Variants in PCNT observed in about 807,000 individuals in gnomAD.
PCNT encodes kendrin.
In PCNT, 319 loss-of-function variants were observed where a neutral mutation model predicts 380.4. That is an observed-to-expected ratio of 0.84 (90% CI 0.77 to 0.92). The LOEUF (loss-of-function observed/expected upper bound fraction) is 0.92, where lower values mean the gene tolerates loss of function less well. Ranked by LOEUF, PCNT falls within the 40% of genes least tolerant of loss-of-function variation. PCNT has a pLI of 0.00. For synonymous variants in PCNT, 1,845 were observed against 1,735.2 expected, an observed-to-expected ratio of 1.06 and a Z score of -1.57; for missense variants, 4,400 against 4,255.3, an observed-to-expected ratio of 1.03 and a Z score of -0.95.
chr21:46,362,282 G>A (rs1049487570), intron 13 of PCNT, among the ~76,000 whole-genome samples: 1 of 152,214 alleles, frequency 6.6e-6, no homozygotes, highest in Non-Finnish European at 1.5e-5. Context: ...CTCTGGCTCA[G>A]TGAGGGATTT....
rs1031767481 is a variant in PCNT at position 46,399,556 on chromosome 21, T to C, written c.4585-34T>C. On this transcript the variant is annotated intron_variant, in intron 24 of 46. Coordinates refer to ENST00000359568, the MANE Select transcript of PCNT (RefSeq NM_006031.6). The stretch of plus-strand genomic sequence containing the variant: ...GAAAATGGGTTTTTATAAAACATTC[T>C]ATTGTATTCCTCAAGCATTTTTTGT... 27 of 1,497,518 alleles carry C rather than the reference T, an allele frequency of 1.8e-5. No homozygotes were observed. The African/African-American group carries it at 3.6e-4, about 20-fold the overall frequency. 92.8% of individuals were successfully genotyped at this position (1,497,518 alleles called of 1,614,324 possible).
In PCNT at chr21:46,427,657, C is replaced by T. The variant is rs576217371; in HGVS notation, c.7356C>T (p.Asp2452=). 6.2e-7 allele frequency: 1 copy of T among 1,613,976 alleles called. No individual in the cohort carries two copies. Among genetic ancestry groups the T allele is most frequent in the South Asian group, 1.1e-5 (1 of 91,084 alleles). The part of the protein sequence containing the change: ...VPTACPDWRG[D]LLQVVQEAFE... ...CCGCGTGCCCCGATTGGAGAGGGGA[C>T]CTTCTGCAGGTTGTGCAAGAGGCCT... The change falls in exon 34 of 47, where the codon GAC becomes GAT. Residue 2452 remains aspartate (D), a synonymous_variant. Coordinates refer to ENST00000359568, the MANE Select transcript of PCNT (RefSeq NM_006031.6).
At chr21:46,386,571 G>A (rs192428106) in intron 17 of PCNT, among the ~76,000 whole-genome samples, 47 of 152,342 alleles carry the variant, frequency 3.1e-4, no homozygotes, top group Middle Eastern at 6.8e-3. Flanking sequence ...ACCACGGGCC[G>A]TGGGGCCGCC....
Position 46,441,030 on chromosome 21 carries a change from C to T in PCNT, c.9569C>T (p.Ser3190Phe), listed in dbSNP as rs751702513. Reference sequence around the variant, plus strand: ...TCCAAAGCAGAACGGAAAATCACATCTCGTCCTTTCACCAGGTTCCGCACG... The same window carrying T: ...TCCAAAGCAGAACGGAAAATCACATTTCGTCCTTTCACCAGGTTCCGCACG... ...FPSKAERKIT[S>F]RPFTRFRTAV... Residue 3190 changes from serine (S) to phenylalanine (F), a missense_variant, in exon 43 of 47, where the codon TCT becomes TTT. By Grantham distance (155) the Ser-to-Phe change is radical. Coordinates refer to ENST00000359568, the MANE Select transcript of PCNT (RefSeq NM_006031.6). The T allele has an allele frequency of 6.2e-7, 1 of 1,614,164 alleles. No homozygotes were observed.
Position 46,429,451 on chromosome 21 carries a change from G to T in PCNT, c.7691-559G>T, listed in dbSNP as rs140125643. Among the ~76,000 whole-genome samples, 16 of 151,492 alleles carry T rather than the reference G, an allele frequency of 1.1e-4. No individual in the cohort carries two copies. In the East Asian group the frequency reaches 3.1e-3, roughly 30 times the overall value. ...GTGCACGTGCTCGTGAGGGGCACAG[G>T]GGGGCCGGCACTGTGCGATCGCTCG... On this transcript the variant is annotated intron_variant, in intron 35 of 46. Coordinates refer to ENST00000359568, the MANE Select transcript of PCNT (RefSeq NM_006031.6).
intron 1 of PCNT, among the ~76,000 whole-genome samples, chr21:46,324,528 C>T (rs2083291997): frequency 6.9e-6 from 1 of 145,684 alleles, no homozygotes; most frequent in African/African-American, 2.5e-5. Context: ...CGCGCGGCGC[C>T]TCTCGGGCGG....
Position 46,391,449 on chromosome 21 carries a change from C to T in PCNT, c.4216+73C>T, listed in dbSNP as rs1282794694. 5 of 1,237,328 alleles carry T rather than the reference C, an allele frequency of 4.0e-6. No homozygotes were observed. In the South Asian group the frequency reaches 7.0e-5, roughly 17 times the overall value. 76.6% of individuals were successfully genotyped at this position (1,237,328 alleles called of 1,614,324 possible). Reference sequence around the variant, plus strand: ...TACAGCTGCCACGGTTTCCCCAGCTCCCAAGGACACTCAGTGTCTCTAGAG... The same window carrying T: ...TACAGCTGCCACGGTTTCCCCAGCTTCCAAGGACACTCAGTGTCTCTAGAG... On this transcript the variant is annotated intron_variant, in intron 21 of 46. Coordinates refer to ENST00000359568, the MANE Select transcript of PCNT (RefSeq NM_006031.6).
chr21:46,413,100 ACGCGGCAGCAAGG>A (rs2086852056), intron 29 of PCNT, 108 bp downstream of exon 29: 1 of 515,012 alleles, frequency 1.9e-6, no homozygotes, highest in African/African-American at 2.2e-5. Flanking sequence ...GAGGCTGGAC[ACGCGGCAGCAAGG>A]TGTGGGGAGC....
chr21:46,364,036 G>C, intron 14 of PCNT, 102 bp downstream of exon 14: 1 of 1,057,612 alleles, frequency 9.5e-7, no homozygotes, highest in South Asian at 1.3e-5. Flanking sequence ...GGCTCCACTG[G>C]GCGAAAAGGT....
intron 44 of PCNT, chr21:46,443,230 T>A (rs2053657888): frequency 6.1e-6 from 1 of 162,932 alleles, no homozygotes; most frequent in Non-Finnish European, 1.3e-5. Flanking sequence ...TGTTTTGTTG[T>A]TTTTTAAGAG....
chr21:46,383,294 G>A (rs147846041), intron 16 of PCNT, among the ~76,000 whole-genome samples: 3 of 141,632 alleles, frequency 2.1e-5, no homozygotes, highest in South Asian at 2.4e-4. Context: ...ATTCAGCAGC[G>A]GAAGCGCATT....
rs114966310 is a variant in PCNT, at chr21:46,342,413, C to T, written c.640-3715C>T. Among the ~76,000 whole-genome samples, 1,160 of 152,160 alleles carry T rather than the reference C, an allele frequency of 7.6e-3. 14 individuals carry two copies. Among genetic ancestry groups the T allele is most frequent in the African/African-American group, 0.027 (1,107 of 41,528 alleles). ...TGAGCCACTGTGCCTGGTCTCCATA[C>T]TGTATTTTTATAGTGATTGTACTAG... is the stretch of plus-strand genomic sequence containing the variant. On this transcript the variant is annotated intron_variant, in intron 3 of 46. Coordinates refer to ENST00000359568, the MANE Select transcript of PCNT (RefSeq NM_006031.6).
intron 15 of PCNT, among the ~76,000 whole-genome samples, chr21:46,373,357 T>C (rs945783471): frequency 5.3e-5 from 8 of 151,958 alleles, no homozygotes; most frequent in African/African-American, 1.9e-4. Context: ...TGCAGTATTT[T>C]TGTAGTTGAG....
intron 22 of PCNT, 35 bp from the exon 23 acceptor site, chr21:46,397,979 T>G: frequency 6.6e-7 from 1 of 1,516,668 alleles, no homozygotes; most frequent in Non-Finnish European, 8.9e-7. Flanking sequence ...GCCAGCCCCG[T>G]TGGGGTGGTC....
In PCNT at chr21:46,445,530, A is replaced by G; in HGVS notation, c.*203A>G. 1.6e-6 allele frequency: 1 copy of G among 617,586 alleles called. No homozygotes were observed. The highest frequency in any genetic ancestry group is 1.9e-5 in the South Asian group (1 of 52,570). The allele number at this position is 617,586 out of a possible 1,614,324, so 38.3% of individuals were successfully genotyped here. Reference sequence around the variant, plus strand: ...GGAGCATTTTCTATGGAGCCTCCGTATGTTTTAGGCCCATGACCTTCGTGA... The same window carrying G: ...GGAGCATTTTCTATGGAGCCTCCGTGTGTTTTAGGCCCATGACCTTCGTGA... On this transcript the variant is annotated 3_prime_UTR_variant, in exon 47 of 47. Coordinates refer to ENST00000359568, the MANE Select transcript of PCNT (RefSeq NM_006031.6).
rs377217118 is a variant in PCNT at position 46,398,296 on chromosome 21, G to A, written c.4584+41G>A. 4.3e-4 allele frequency: 680 copies of A among 1,577,004 alleles called. 2 individuals are homozygous for A. In the African/African-American group the frequency reaches 5.3e-3, roughly 12 times the overall value. On this transcript the variant is annotated intron_variant, in intron 24 of 46. Transcript: ENST00000359568. ...CGAGATGGGCACTCCCTGCGCTGGC[G>A]CCCAGGCTCCCCTGCGCTCGCTGGG... is the stretch of plus-strand genomic sequence containing the variant.
intron 24 of PCNT, among the ~76,000 whole-genome samples, chr21:46,399,262 C>A (rs1318400451): frequency 6.6e-6 from 1 of 151,784 alleles, no homozygotes; most frequent in Non-Finnish European, 1.5e-5. Flanking sequence ...CCCTGTGCAG[C>A]CTGTGGGTCT....
In PCNT at chr21:46,357,048, T is replaced by C; in HGVS notation, c.2011T>C (p.Leu671=). The part of the protein sequence containing the change: ...EADTERAARV[L]GLETEHKVQL... ...CGACACAGAGCGGGCAGCCAGAGTC[T>C]TGGGTCTGGAAACTGAGCACAAGGT... Residue 671 remains leucine (L), a synonymous_variant, in exon 13 of 47, where the codon TTG becomes CTG. Transcript: ENST00000359568. 6.2e-7 allele frequency: 1 copy of C among 1,614,212 alleles called. No homozygotes were observed. The highest frequency in any genetic ancestry group is 8.5e-7 in the Non-Finnish European group (1 of 1,180,034).
At chr21:46,430,284 C>T (rs2087694771) in intron 36 of PCNT, 52 bp downstream of exon 36, 1 of 1,544,562 alleles carries the variant, frequency 6.5e-7, no homozygotes, top group East Asian at 2.3e-5. Flanking sequence ...CCCGTTGTGC[C>T]ATGTTTTCTT....
Sources: gnomAD v4.1 joint callset for allele counts (sites outside exome capture counted in the v4.1 genomes callset) on GRCh38, gnomAD v4.1.1 for gene constraint, MANE v1.5 for transcripts, NCBI Gene and HGNC (gene_info 2026-07-23, HGNC 2026-07-21) for gene names.